Variants in EYS observed in about 807,000 individuals in gnomAD.
EYS encodes EGF-like photoreceptor maintenance factor.
In EYS, 250 loss-of-function variants were observed where a neutral mutation model predicts 282.1. That is an observed-to-expected ratio of 0.89 (90% CI 0.80 to 0.98). The LOEUF (loss-of-function observed/expected upper bound fraction) is 0.98. Among genes scored for constraint, EYS ranks in the 50% least tolerant of loss-of-function variants. The pLI is 0.00. For synonymous variants in EYS, 1,355 were observed against 1,282.9 expected (o/e 1.06, Z -1.20); for missense variants, 4,016 against 3,709.0 (o/e 1.08, Z -2.15).
At chr6:64,040,745 T>C (rs7761892) in intron 33 of EYS, among the ~76,000 whole-genome samples, 46,945 of 152,076 alleles carry the variant, frequency 0.31, 7,522 homozygotes, top group Middle Eastern at 0.39. Context: ...GTGACAAAGT[T>C]GAGTAGTTCA....
rs369111787 is a variant in EYS at position 65,071,524 on chromosome 6, C to T, written c.2024-13797G>A. Among the ~76,000 whole-genome samples, 373 of 151,764 alleles carry T rather than the reference C, an allele frequency of 2.5e-3. 2 individuals are homozygous for T. The highest frequency in any genetic ancestry group is 8.3e-3 in the African/African-American group (344 of 41,454). On this transcript the variant is annotated intron_variant, in intron 12 of 42. Coordinates refer to ENST00000503581, the MANE Select transcript of EYS (RefSeq NM_001142800.2). Reference sequence around the variant, plus strand: ...CAACTAGATAATAAAATTTAAAACCCATGAATGGCATGCACAACAAAATTT... The same window carrying T: ...CAACTAGATAATAAAATTTAAAACCTATGAATGGCATGCACAACAAAATTT...
intron 29 of EYS, among the ~76,000 whole-genome samples, chr6:64,383,702 T>G (rs1772821500): frequency 1.3e-5 from 2 of 152,230 alleles, no homozygotes; most frequent in Non-Finnish European, 2.9e-5. Context: ...TGATTCTCTT[T>G]TTACACATTG....
At chr6:64,605,093 C>T (rs185565766) in intron 24 of EYS, among the ~76,000 whole-genome samples, 2 of 151,952 alleles carry the variant, frequency 1.3e-5, no homozygotes, top group Non-Finnish European at 2.9e-5. Flanking sequence ...ATATCACCAG[C>T]TATTTCTTAT....
chr6:64,585,098 T>A (rs1273365044), intron 26 of EYS, among the ~76,000 whole-genome samples: 1 of 152,060 alleles, frequency 6.6e-6, no homozygotes, highest in African/African-American at 2.4e-5. Flanking sequence ...ATGGACTGTA[T>A]AAAAGGTGGT....
At chr6:64,375,239 AT>A (rs1772525226) in intron 29 of EYS, among the ~76,000 whole-genome samples, 1 of 152,224 alleles carries the variant, frequency 6.6e-6, no homozygotes, top group Non-Finnish European at 1.5e-5. Context: ...AAGAATATGT[AT>A]GGCAAGCAAA....
chr6:63,962,240 A>G (rs1236301731), intron 35 of EYS, among the ~76,000 whole-genome samples: 1 of 152,226 alleles, frequency 6.6e-6, no homozygotes, highest in Admixed American at 6.5e-5. Context: ...AATGGCAACA[A>G]AAGCCAAAAT....
chr6:65,586,403 G>T (rs930036060), intron 2 of EYS, among the ~76,000 whole-genome samples: 1 of 151,948 alleles, frequency 6.6e-6, no homozygotes, highest in Non-Finnish European at 1.5e-5. Flanking sequence ...ACCAAAAGGG[G>T]CAACTATTGA....
intron 12 of EYS, among the ~76,000 whole-genome samples, chr6:65,262,672 T>C (rs1767651004): frequency 6.6e-6 from 1 of 152,064 alleles, no homozygotes. Context: ...AATAACACAT[T>C]TATGTATTAG....
intron 12 of EYS, among the ~76,000 whole-genome samples, chr6:65,222,920 A>T (rs760283212): frequency 2.1e-4 from 32 of 152,164 alleles, no homozygotes; most frequent in Non-Finnish European, 3.8e-4. Context: ...CACGTGAAAT[A>T]AGGATGAAGA....
At chr6:64,600,353 GGAGA>G (rs1766726678) in intron 24 of EYS, among the ~76,000 whole-genome samples, 1 of 151,836 alleles carries the variant, frequency 6.6e-6, no homozygotes, top group Non-Finnish European at 1.5e-5. Flanking sequence ...AACTTGATTG[GGAGA>G]CAAAAGGCAA....
At chr6:64,555,856 ACAC>A (rs1430894730) in intron 26 of EYS, among the ~76,000 whole-genome samples, 1 of 152,000 alleles carries the variant, frequency 6.6e-6, no homozygotes, top group African/African-American at 2.4e-5. Flanking sequence ...AATACTGTAC[ACAC>A]CACAAGGATA....
intron 35 of EYS, among the ~76,000 whole-genome samples, chr6:63,947,616 G>A (rs1428248590): frequency 5.3e-5 from 8 of 152,010 alleles, no homozygotes; most frequent in Non-Finnish European, 4.4e-5. Context: ...GATGTTATTC[G>A]AAGCACTAAG....
At chr6:64,857,162 G>C (rs574183654) in intron 19 of EYS, among the ~76,000 whole-genome samples, 1 of 152,108 alleles carries the variant, frequency 6.6e-6, no homozygotes, top group Non-Finnish European at 1.5e-5. Flanking sequence ...CCATAATAAA[G>C]TATAGTAAGT....
At chr6:64,628,333 A>AT (rs954332192) in intron 22 of EYS, among the ~76,000 whole-genome samples, 4 of 151,650 alleles carry the variant, frequency 2.6e-5, no homozygotes, top group Admixed American at 2.6e-4. Flanking sequence ...CTCAGGTCTG[A>AT]TTTTGTCAAT....
At chr6:64,726,472 C>G (rs1378669462) in intron 22 of EYS, among the ~76,000 whole-genome samples, 1 of 151,958 alleles carries the variant, frequency 6.6e-6, no homozygotes, top group Non-Finnish European at 1.5e-5. Context: ...TGGCTCATGA[C>G]TTAGTAGCTA....
chr6:65,652,928 A>G (rs1767705059), intron 1 of EYS, among the ~76,000 whole-genome samples: 1 of 151,938 alleles, frequency 6.6e-6, no homozygotes, highest in African/African-American at 2.4e-5. Context: ...GTTTGGCTAC[A>G]CAGATGATGG....
intron 1 of EYS, among the ~76,000 whole-genome samples, chr6:65,703,343 T>C (rs988188410): frequency 6.6e-6 from 1 of 152,168 alleles, no homozygotes; most frequent in African/African-American, 2.4e-5. Flanking sequence ...GATAGATAGA[T>C]ATATAATAAG....
intron 26 of EYS, among the ~76,000 whole-genome samples, chr6:64,440,149 A>G (rs1774888935): frequency 6.6e-6 from 1 of 151,830 alleles, no homozygotes; most frequent in Non-Finnish European, 1.5e-5. Flanking sequence ...AAACTTTCGA[A>G]TTATGTATTA....
chr6:63,761,297 A>G (rs1038311419), intron 41 of EYS, among the ~76,000 whole-genome samples: 2 of 152,002 alleles, frequency 1.3e-5, no homozygotes, highest in African/African-American at 4.8e-5. Flanking sequence ...AAAGATCAAG[A>G]TTGATCCCTA....
Sources: gnomAD v4.1 joint callset for allele counts (sites outside exome capture counted in the v4.1 genomes callset) on GRCh38, gnomAD v4.1.1 for gene constraint, MANE v1.5 for transcripts, NCBI Gene and HGNC (gene_info 2026-07-23, HGNC 2026-07-21) for gene names.